Variants in ASL observed in about 807,000 individuals in gnomAD.
ASL encodes argininosuccinate lyase.
Under a neutral mutation model 69.1 loss-of-function variants are expected in ASL, and 51 were observed. The observed-to-expected ratio is 0.74, with a 90% CI of 0.59 to 0.93. The LOEUF (loss-of-function observed/expected upper bound fraction) is 0.93. Among genes scored for constraint, ASL ranks in the 40% least tolerant of loss-of-function variants. The pLI is 0.00. For missense variants in ASL, 540 were observed against 623.9 expected, an observed-to-expected ratio of 0.87 and a Z score of 1.43; for synonymous variants, 241 against 247.6, an observed-to-expected ratio of 0.97 and a Z score of 0.25.
intron 2 of ASL, among the ~76,000 whole-genome samples, chr7:66,081,414 T>A (rs1329642397): frequency 1.3e-5 from 2 of 152,016 alleles, no homozygotes; most frequent in African/African-American, 4.8e-5. Flanking sequence ...ACCCCATCTC[T>A]ACTAATGATA....
At chr7:66,091,805 G>A (rs1786850907) in intron 14 of ASL, 1 of 628,180 alleles carries the variant, frequency 1.6e-6, no homozygotes, top group Non-Finnish European at 2.9e-6. Flanking sequence ...AAAACATACA[G>A]GCCAGTAAGT....
chr7:66,088,900 T>G lies in ASL; in HGVS notation c.812T>G (p.Val271Gly). The G allele has an allele frequency of 6.2e-7, 1 of 1,613,998 alleles. No homozygotes were observed. Among genetic ancestry groups the G allele is most frequent in the Non-Finnish European group, 8.5e-7 (1 of 1,179,984 alleles). ...TACTGCACCAAGGAATTCAGCTTCG[T>G]GCAGCTCTCAGATGCCTACAGGTAA... ...ILYCTKEFSF[V>G]QLSDAYSTGS... The change falls in exon 11 of 17, where the codon GTG (valine) becomes GGG (glycine). Residue 271 changes from valine (V) to glycine (G), a missense_variant. By Grantham distance (109) the Val-to-Gly change is moderately radical. Transcript: ENST00000304874.
Position 66,087,726 on chromosome 7 carries a change from C to G in ASL, c.656-3C>G. 5 of 1,614,124 alleles carry G rather than the reference C, an allele frequency of 3.1e-6. No homozygotes were observed. The highest frequency in any genetic ancestry group is 4.2e-6 in the Non-Finnish European group (5 of 1,180,010). Reference sequence around the variant, plus strand: ...TTAGCCCTGCTTCCTCCCACCCCCCCAGAACTCAACTTTGGGGCCATCACT... The same window carrying G: ...TTAGCCCTGCTTCCTCCCACCCCCCGAGAACTCAACTTTGGGGCCATCACT... On this transcript the variant is annotated splice_region_variant and splice_polypyrimidine_tract_variant and intron_variant, in intron 9 of 16. Coordinates refer to ENST00000304874, the MANE Select transcript of ASL (RefSeq NM_000048.4).
intron 6 of ASL, 41 bp downstream of exon 6, chr7:66,083,215 G>A (rs1170372679): frequency 6.2e-7 from 1 of 1,602,888 alleles, no homozygotes; most frequent in Admixed American, 1.7e-5. Context: ...ACAGAGGTGT[G>A]ATGGAAGCCT....
intron 9 of ASL, 80 bp from the exon 10 acceptor site, chr7:66,087,649 G>A: frequency 1.3e-6 from 2 of 1,519,664 alleles, no homozygotes; most frequent in Non-Finnish European, 1.8e-6. Context: ...GATCAGGGGA[G>A]GGGGCTGGGC....
At chr7:66,080,700 G>A (rs1413685760) in intron 2 of ASL, among the ~76,000 whole-genome samples, 2 of 152,204 alleles carry the variant, frequency 1.3e-5, no homozygotes, top group Admixed American at 6.6e-5. Flanking sequence ...CTCCAGCCTA[G>A]GCAACAGAGT....
chr7:66,092,057 G>A lies in ASL; in HGVS notation c.1114G>A (p.Asp372Asn). ...TCTCAGCCCCGACATGCTGGCCACT[G>A]ACCTTGCCTATTACCTGGTCCGCAA... ...QALSPDMLATDLAYYLVRKGM... is the reference protein window; with the variant it reads ...QALSPDMLATNLAYYLVRKGM... Residue 372 changes from aspartate to asparagine, a missense_variant, in exon 15 of 17, where the codon GAC becomes AAC. Transcript: ENST00000304874. 6.2e-7 allele frequency: 1 copy of A among 1,613,272 alleles called. No homozygotes were observed. The highest frequency in any genetic ancestry group is 8.5e-7 in the Non-Finnish European group (1 of 1,180,030).
intron 9 of ASL, 72 bp from the exon 10 acceptor site, chr7:66,087,657 G>A (rs1786709255): frequency 1.3e-6 from 2 of 1,578,696 alleles, no homozygotes; most frequent in Non-Finnish European, 1.7e-6. Context: ...GAGGGGGCTG[G>A]GCAACCTAGT....
chr7:66,087,274 G>GTA (rs1394990452), intron 8 of ASL, 60 bp from the exon 9 acceptor site: 2 of 1,427,800 alleles, frequency 1.4e-6, no homozygotes, highest in Non-Finnish European at 1.9e-6. Flanking sequence ...GTGTGTGTGT[G>GTA]TGTGTGTGTC....
chr7:66,081,376 T>C (rs915511724), intron 2 of ASL, among the ~76,000 whole-genome samples: 1 of 151,950 alleles, frequency 6.6e-6, no homozygotes, highest in Admixed American at 6.6e-5. Flanking sequence ...GGTCAGGAGT[T>C]CAAGACCAGC....
rs1584031880 is a variant in ASL at position 66,089,193 on chromosome 7, A to G, written c.918+18A>G. The G allele has an allele frequency of 9.7e-7, 1 of 1,027,598 alleles. No homozygotes were observed. Among genetic ancestry groups the G allele is most frequent in the Non-Finnish European group, 1.5e-6 (1 of 686,438 alleles). The allele number at this position is 1,027,598 out of a possible 1,614,324, so 63.7% of individuals were successfully genotyped here. Reference sequence around the variant, plus strand: ...TTGGGCGGGTGAGCAAGGCAGGGGGAGGGGCGGGGCCTCTGGGCTGATGGT... The same window carrying G: ...TTGGGCGGGTGAGCAAGGCAGGGGGGGGGGCGGGGCCTCTGGGCTGATGGT... On this transcript the variant is annotated intron_variant, in intron 12 of 16. Coordinates refer to ENST00000304874, the MANE Select transcript of ASL (RefSeq NM_000048.4).
rs1786669291 is a variant in ASL at position 66,086,619 on chromosome 7, T to C, written c.481T>C (p.Leu161=). ...RDVLFPGYTH[L]QRAQPIRWSH... ...TGTTCTCTTCCCGGGGTACACCCAT[T>C]TGCAGAGGGCCCAGCCCATCCGCTG... Residue 161 remains leucine, a synonymous_variant, in exon 7 of 17, where the codon TTG becomes CTG. Transcript: ENST00000304874. 1 of 1,613,776 alleles carries C rather than the reference T, an allele frequency of 6.2e-7. No individual in the cohort carries two copies. The highest frequency in any genetic ancestry group is 1.3e-5 in the African/African-American group (1 of 74,924).
intron 5 of ASL, 21 bp downstream of exon 5, chr7:66,082,957 C>G (rs768301369): frequency 2.5e-6 from 4 of 1,613,040 alleles, no homozygotes; most frequent in South Asian, 1.1e-5. Flanking sequence ...CCCTCCACCC[C>G]CTGCTCCGTG....
intron 6 of ASL, chr7:66,083,419 T>C (rs1786569050): frequency 4.6e-6 from 2 of 430,682 alleles, no homozygotes; most frequent in East Asian, 5.0e-5. Flanking sequence ...GTGCGGTGGC[T>C]CACGCCTGTA....
chr7:66,078,268 T>G (rs891060287), intron 2 of ASL, among the ~76,000 whole-genome samples: 1 of 151,862 alleles, frequency 6.6e-6, no homozygotes, highest in African/African-American at 2.4e-5. Context: ...GGTGCTTTGC[T>G]GGAGATCTAG....
chr7:66,092,216 C>G (rs1484686147), intron 15 of ASL, 130 bp downstream of exon 15: 4 of 1,108,264 alleles, frequency 3.6e-6, no homozygotes, highest in Admixed American at 2.0e-5. Flanking sequence ...CTTTGGGAAG[C>G]CGAGGTGGGC....
chr7:66,077,537 T>C (rs1786382295), intron 2 of ASL, among the ~76,000 whole-genome samples: 1 of 152,110 alleles, frequency 6.6e-6, no homozygotes, highest in South Asian at 2.1e-4. Flanking sequence ...GAGACCAGCC[T>C]GGCCAACATG....
At position 66,092,025 on chromosome 7, in the gene ASL, G is replaced by T; in HGVS notation, c.1082G>T (p.Gly361Val). 6.2e-7 allele frequency: 1 copy of T among 1,613,558 alleles called. No homozygotes were observed. Among genetic ancestry groups the T allele is most frequent in the Non-Finnish European group, 8.5e-7 (1 of 1,180,030 alleles). ...CCCCAGATTCACCAAGAGAACATGG[G>T]ACAGGCTCTCAGCCCCGACATGCTG... Reference protein sequence around the residue: ...STLQIHQENMGQALSPDMLAT... With the variant: ...STLQIHQENMVQALSPDMLAT... Residue 361 changes from glycine to valine, a missense_variant, in exon 15 of 17, where the codon GGA becomes GTA. Gly to Val is a moderately radical substitution (Grantham distance 109). Coordinates refer to ENST00000304874, the MANE Select transcript of ASL (RefSeq NM_000048.4).
intron 11 of ASL, 24 bp from the exon 12 acceptor site, chr7:66,089,067 C>T (rs779050726): frequency 3.1e-6 from 5 of 1,613,530 alleles, no homozygotes; most frequent in Non-Finnish European, 4.2e-6. Flanking sequence ...CCAGCCCCTT[C>T]AGCGCCAGCA....
Sources: allele counts gnomAD v4.1 joint callset (sites outside exome capture counted in the v4.1 genomes callset), GRCh38; gene constraint gnomAD v4.1.1; transcripts MANE v1.5; gene names NCBI Gene and HGNC (gene_info 2026-07-23, HGNC 2026-07-21).